The following GNG4 variants were observed in gnomAD, a reference collection of about 807,000 sequenced individuals.
GNG4 encodes guanine nucleotide-binding protein G(I)/G(S)/G(O) subunit gamma-4.
GNG4 carries 4 observed loss-of-function variants against 5.8 expected under a neutral mutation model. That is an observed-to-expected ratio of 0.69 (90% CI 0.34 to 1.57). GNG4 has a LOEUF of 1.57. Ranked by LOEUF, GNG4 falls within the 40% of genes most tolerant of loss-of-function variation. GNG4 has a pLI of 0.06. For synonymous variants in GNG4, 29 were observed against 32.9 expected, an observed-to-expected ratio of 0.88 and a Z score of 0.41; for missense variants, 96 against 95.1, an observed-to-expected ratio of 1.01 and a Z score of -0.04.
rs769944125 is a variant in GNG4, at chr1:235,552,192, C to A, written c.145G>T (p.Val49Leu). 6.2e-7 allele frequency: 1 copy of A among 1,613,934 alleles called. No homozygotes were observed. The highest frequency in any genetic ancestry group is 1.3e-5 in the African/African-American group (1 of 75,054). The change falls in exon 4 of 4, where the codon GTG (valine) becomes TTG (leucine). Residue 49 changes from valine (V) to leucine (L), a missense_variant. Physicochemically the swap from Val to Leu is conservative, Grantham distance 32. Transcript: ENST00000391854. ...GGAATGATGAGAGGATCTTCCCGCA[C>A]GTGAGCTTCACAGTAGGCCAGGAGG... Reference protein sequence around the residue: ...ADLLAYCEAHVREDPLIIPVP... With the variant: ...ADLLAYCEAHLREDPLIIPVP...
At chr1:235,581,784 A>C (rs1175404017) in intron 3 of GNG4, among the ~76,000 whole-genome samples, 1 of 152,090 alleles carries the variant, frequency 6.6e-6, no homozygotes, top group African/African-American at 2.4e-5. Context: ...ACAGTAACTC[A>C]TTTGTCTTTG....
chr1:235,558,505 A>G (rs1686975961), intron 3 of GNG4, among the ~76,000 whole-genome samples: 1 of 152,238 alleles, frequency 6.6e-6, no homozygotes, highest in African/African-American at 2.4e-5. Flanking sequence ...CAAATAGCTC[A>G]GTATCCAGGT....
Position 235,551,684 on chromosome 1 carries a change from A to T in GNG4, c.*425T>A, listed in dbSNP as rs115691204. ...CTCCAGGAAAGGAGATGAAAACGTTATATGTTTCAGTTGGTCAAAATGCTC... is the reference window on the plus strand; with the variant it reads ...CTCCAGGAAAGGAGATGAAAACGTTTTATGTTTCAGTTGGTCAAAATGCTC... On this transcript the variant is annotated 3_prime_UTR_variant, in exon 4 of 4. Coordinates refer to ENST00000391854, the MANE Select transcript of GNG4 (RefSeq NM_001098722.2). The T allele has an allele frequency of 7.6e-3, 1,176 of 153,974 alleles. 13 individuals carry two copies. Among genetic ancestry groups the T allele is most frequent in the African/African-American group, 0.025 (1,025 of 41,578 alleles). The allele number at this position is 153,974 out of a possible 1,614,324, so 9.5% of individuals were successfully genotyped here.
At chr1:235,600,340 C>T (rs1259615487) in intron 1 of GNG4, among the ~76,000 whole-genome samples, 1 of 151,762 alleles carries the variant, frequency 6.6e-6, no homozygotes, top group Non-Finnish European at 1.5e-5. Context: ...GTCTTGAACC[C>T]CTGACCTCAA....
intron 3 of GNG4, among the ~76,000 whole-genome samples, chr1:235,575,432 A>G (rs1687460591): frequency 6.6e-6 from 1 of 152,194 alleles, no homozygotes; most frequent in Non-Finnish European, 1.5e-5. Context: ...TAGTGCATCC[A>G]TCACCTGAAA....
At chr1:235,561,408 CTA>C (rs1297658809) in intron 3 of GNG4, among the ~76,000 whole-genome samples, 4 of 145,436 alleles carry the variant, frequency 2.8e-5, no homozygotes, top group Non-Finnish European at 4.4e-5. Context: ...CTCTCTCTCT[CTA>C]TATATATACA....
chr1:235,595,116 C>T (rs1016193908), intron 2 of GNG4, among the ~76,000 whole-genome samples: 1 of 152,160 alleles, frequency 6.6e-6, no homozygotes, highest in Non-Finnish European at 1.5e-5. Context: ...CAGCAGCCCT[C>T]GGGGATGGCT....
chr1:235,573,058 C>T (rs563671292), intron 3 of GNG4, among the ~76,000 whole-genome samples: 5 of 152,124 alleles, frequency 3.3e-5, no homozygotes, highest in Admixed American at 3.3e-4. Flanking sequence ...TTCACAATAG[C>T]AAAGACTTGG....
chr1:235,558,739 G>A lies in GNG4; in HGVS notation c.100-6502C>T, dbSNP rs558551290. On this transcript the variant is annotated intron_variant, in intron 3 of 3. Transcript: ENST00000391854. The stretch of plus-strand genomic sequence containing the variant: ...AGAAAATTGCAAATTCCTTTACTGT[G>A]TATCCTTTCTCATCAAGCCTGAATT... 3.5e-4 allele frequency among the ~76,000 whole-genome samples: 53 copies of A among 152,332 alleles called. No homozygotes were observed. The East Asian group carries it at 0.01, about 29-fold the overall frequency.
At chr1:235,567,768 T>C (rs996157835) in intron 3 of GNG4, among the ~76,000 whole-genome samples, 11 of 152,200 alleles carry the variant, frequency 7.2e-5, no homozygotes, top group Non-Finnish European at 1.5e-4. Context: ...CTGCTATTAA[T>C]ATGGATGTAC....
chr1:235,597,328 A>T (rs932352289), intron 1 of GNG4, among the ~76,000 whole-genome samples: 1 of 152,026 alleles, frequency 6.6e-6, no homozygotes, highest in Admixed American at 6.6e-5. Flanking sequence ...ACTTCAGGGG[A>T]GATGGTTTGA....
At position 235,626,958 on chromosome 1, in the gene GNG4, CAAAAAAAAAAAAAAAAAAAAAAAAA is replaced by C. The variant is rs776506587; in HGVS notation, c.-123+22679_-123+22703del. 3.1e-3 allele frequency among the ~76,000 whole-genome samples: 240 copies of C among 77,386 alleles called. 3 individuals are homozygous for C. The highest frequency in any genetic ancestry group is 4.7e-3 in the East Asian group (6 of 1,278). 50.8% of individuals were successfully genotyped at this position (77,386 alleles called of 152,430 possible). ...TGGGTGACAGAGTGAGACTCTATCT[CAAAAAAAAAAAAAAAAAAAAAAAAA>C]AAAAAAAAAAAAAAAAGAACTTAGA... On this transcript the variant is annotated intron_variant, in intron 1 of 3. Coordinates refer to ENST00000391854, the MANE Select transcript of GNG4 (RefSeq NM_001098722.2).
chr1:235,559,964 C>T (rs1687015643), intron 3 of GNG4, among the ~76,000 whole-genome samples: 2 of 152,216 alleles, frequency 1.3e-5, no homozygotes, highest in Admixed American at 1.3e-4. Context: ...ATATGATTGA[C>T]CTAGATCCAC....
At chr1:235,582,785 C>T (rs1687669312) in intron 3 of GNG4, among the ~76,000 whole-genome samples, 2 of 152,174 alleles carry the variant, frequency 1.3e-5, no homozygotes, top group South Asian at 2.1e-4. Context: ...CGCTGGATTC[C>T]TTCCTTGCTT....
At chr1:235,623,808 G>T (rs900442549) in intron 1 of GNG4, among the ~76,000 whole-genome samples, 1 of 152,164 alleles carries the variant, frequency 6.6e-6, no homozygotes, top group African/African-American at 2.4e-5. Context: ...CAGCAGCTGG[G>T]GTAGGAGAAA....
intron 2 of GNG4, among the ~76,000 whole-genome samples, chr1:235,589,174 C>T (rs1687900676): frequency 6.6e-6 from 1 of 152,234 alleles, no homozygotes; most frequent in Non-Finnish European, 1.5e-5. Context: ...CATCATTTGG[C>T]TCTAAGCCAC....
chr1:235,647,051 C>A (rs1245499779), intron 1 of GNG4, among the ~76,000 whole-genome samples: 1 of 152,072 alleles, frequency 6.6e-6, no homozygotes, highest in African/African-American at 2.4e-5. Context: ...CTTTTCTTTC[C>A]TGATACCATT....
intron 1 of GNG4, among the ~76,000 whole-genome samples, chr1:235,639,690 G>A (rs1320182314): frequency 1.3e-5 from 2 of 152,164 alleles, no homozygotes; most frequent in African/African-American, 2.4e-5. Context: ...ATTTTCAGTA[G>A]AGACGGGGTT....
intron 1 of GNG4, among the ~76,000 whole-genome samples, chr1:235,618,066 T>C (rs1011215261): frequency 1.3e-5 from 2 of 152,144 alleles, no homozygotes; most frequent in African/African-American, 4.8e-5. Context: ...AGAATTGGAA[T>C]GCAGTTTATG....
Sources: gnomAD v4.1 joint callset for allele counts (sites outside exome capture counted in the v4.1 genomes callset) on GRCh38, gnomAD v4.1.1 for gene constraint, MANE v1.5 for transcripts, NCBI Gene and HGNC (gene_info 2026-07-23, HGNC 2026-07-21) for gene names.